Variants in C2CD3 observed in about 807,000 individuals in gnomAD.
C2CD3 encodes the protein C2 domain containing 3 centriole elongation regulator, also known as C2 domain-containing protein 3.
Under a neutral mutation model 234.0 loss-of-function variants are expected in C2CD3, and 148 were observed. The ratio of observed to expected loss-of-function variants is 0.63; its 90% CI spans 0.55 to 0.72. C2CD3 has a LOEUF of 0.72. Among genes scored for constraint, C2CD3 ranks in the 30% least tolerant of loss-of-function variants. The probability of loss-of-function intolerance (pLI) is 0.00; values close to 1 mark genes in which losing one functional copy is unlikely to be tolerated. For synonymous variants in C2CD3, 1,000 were observed against 1,035.4 expected (o/e 0.97, Z 0.66); for missense variants, 2,577 against 2,811.5 (o/e 0.92, Z 1.89).
chr11:74,078,249 A>G lies in C2CD3; in HGVS notation c.4469T>C (p.Leu1490Pro). ...SLLWYFREER[L>P]EIQVWRAYGN... ...ATAAGCTCGCCACACTTGGATCTCT[A>G]GCCTCTCCTCCCTGAAGTACCAAAG... is the stretch of plus-strand genomic sequence containing the variant. The change falls in exon 23 of 33, where the codon CTA (leucine) becomes CCA (proline). Residue 1490 changes from leucine (L) to proline (P), a missense_variant. Leu to Pro is a moderately conservative substitution (Grantham distance 98). Coordinates refer to ENST00000334126, the MANE Select transcript of C2CD3 (RefSeq NM_001286577.2). 1 of 1,614,018 alleles carries G rather than the reference A, an allele frequency of 6.2e-7. No individual in the cohort carries two copies. Among genetic ancestry groups the G allele is most frequent in the South Asian group, 1.1e-5 (1 of 91,070 alleles).
chr11:74,082,237 C>G (rs1395163482), intron 22 of C2CD3, among the ~76,000 whole-genome samples: 1 of 151,766 alleles, frequency 6.6e-6, no homozygotes, highest in Non-Finnish European at 1.5e-5. Flanking sequence ...TGCCTCAGCC[C>G]CCGGAGTAGC....
intron 29 of C2CD3, among the ~76,000 whole-genome samples, chr11:74,039,403 G>C (rs776559172): frequency 6.6e-6 from 1 of 152,160 alleles, no homozygotes; most frequent in Non-Finnish European, 1.5e-5. Context: ...CGCCCATTTG[G>C]TAAAGAATTC....
intron 8 of C2CD3, among the ~76,000 whole-genome samples, chr11:74,119,758 C>T (rs1020407906): frequency 3.3e-5 from 5 of 151,694 alleles, no homozygotes; most frequent in Admixed American, 3.3e-4. Flanking sequence ...GCCTCAGTCT[C>T]CCAAGTAGCT....
In C2CD3 at chr11:74,085,769, C is replaced by T. The variant is rs1955612174; in HGVS notation, c.3759G>A (p.Val1253=). The change falls in exon 21 of 33, where the codon GTG becomes GTA. Residue 1253 remains valine (V), a synonymous_variant. Coordinates refer to ENST00000334126, the MANE Select transcript of C2CD3 (RefSeq NM_001286577.2). ...AGAACTCAGGGCAGAAAGAACAGGC[C>T]ACAGGGTGGGTTCGGCGCTGTTCTC... ...PQGEQRRTHP[V]ACSFCPEFSH... is the part of the protein sequence containing the mutation. 6.2e-7 allele frequency: 1 copy of T among 1,613,994 alleles called. No homozygotes were observed. The highest frequency in any genetic ancestry group is 1.3e-5 in the African/African-American group (1 of 74,974).
rs369770258 is a variant in C2CD3 at position 74,098,053 on chromosome 11, G to A, written c.2935C>T (p.Pro979Ser). 3.1e-6 allele frequency: 5 copies of A among 1,613,936 alleles called. No individual in the cohort carries two copies. The highest frequency in any genetic ancestry group is 4.2e-6 in the Non-Finnish European group (5 of 1,179,908). The change falls in exon 16 of 33, where the codon CCA becomes TCA. Residue 979 changes from proline (P) to serine (S), a missense_variant. By Grantham distance (74) the Pro-to-Ser change is moderately conservative (BLOSUM62 -1). Coordinates refer to ENST00000334126, the MANE Select transcript of C2CD3 (RefSeq NM_001286577.2). ...EGTLPPFSPR[P>S]AHFLDQPTAA... Reference sequence around the variant, plus strand: ...GTTGGCTGGTCCAGGAAATGGGCTGGCCTAGGGCTGAAGGGAGGGAGTGTT... The same window carrying A: ...GTTGGCTGGTCCAGGAAATGGGCTGACCTAGGGCTGAAGGGAGGGAGTGTT...
At chr11:74,150,215 C>T (rs1370024237) in intron 3 of C2CD3, among the ~76,000 whole-genome samples, 5 of 151,220 alleles carry the variant, frequency 3.3e-5, no homozygotes, top group African/African-American at 1.2e-4. Context: ...CGGTGGCTCA[C>T]GCCTGTAATC....
Position 74,100,535 on chromosome 11 carries a change from T to A in C2CD3, c.2722A>T (p.Met908Leu), listed in dbSNP as rs779821644. The change falls in exon 15 of 33, where the codon ATG becomes TTG. Residue 908 changes from methionine to leucine, a missense_variant. Physicochemically the swap from Met to Leu is conservative, Grantham distance 15. Transcript: ENST00000334126. ...LVKLPLHQFY[M>L]SFKDAKISRL... ...AAAGGTCCTATTTACTTGAATGACA[T>A]GTAAAACTGGTGGAGGGGAAGTTTC... 1 of 1,610,872 alleles carries A rather than the reference T, an allele frequency of 6.2e-7. No individual in the cohort carries two copies. The highest frequency in any genetic ancestry group is 8.5e-7 in the Non-Finnish European group (1 of 1,179,128).
chr11:74,132,743 G>T, intron 7 of C2CD3, 101 bp downstream of exon 7: 1 of 1,149,576 alleles, frequency 8.7e-7, no homozygotes, highest in Non-Finnish European at 1.3e-6. Flanking sequence ...GGCTTGGTTA[G>T]TCTAAGGACA....
intron 32 of C2CD3, among the ~76,000 whole-genome samples, chr11:74,017,022 T>A (rs1951905065): frequency 6.6e-6 from 1 of 151,982 alleles, no homozygotes; most frequent in African/African-American, 2.4e-5. Context: ...AGAGAGAGGG[T>A]ATGCCACGTG....
intron 19 of C2CD3, among the ~76,000 whole-genome samples, chr11:74,091,652 A>G (rs1041347643): frequency 7.9e-5 from 12 of 152,216 alleles, no homozygotes; most frequent in African/African-American, 2.9e-4. Flanking sequence ...TTTAAACCCT[A>G]GCCTTCTCCT....
intron 24 of C2CD3, among the ~76,000 whole-genome samples, chr11:74,065,383 G>GTTT: frequency 6.6e-6 from 1 of 152,160 alleles, no homozygotes; most frequent in South Asian, 2.1e-4. Flanking sequence ...ACACCAGTTA[G>GTTT]AATGGCGATC....
chr11:74,026,144 C>CT (rs149645288), intron 32 of C2CD3, among the ~76,000 whole-genome samples: 159 of 152,126 alleles, frequency 1.0e-3, no homozygotes, highest in African/African-American at 3.6e-3. Flanking sequence ...GACCCCGTCT[C>CT]TAAGAAGAAA....
chr11:74,039,313 T>A (rs971786654), intron 29 of C2CD3, among the ~76,000 whole-genome samples: 2 of 152,216 alleles, frequency 1.3e-5, no homozygotes, highest in African/African-American at 4.8e-5. Context: ...CCTGAAATGA[T>A]AGCTGTGATT....
intron 20 of C2CD3, 80 bp downstream of exon 20, chr11:74,090,733 A>C (rs1955857748): frequency 4.7e-6 from 7 of 1,501,200 alleles, no homozygotes; most frequent in African/African-American, 1.4e-5. Flanking sequence ...ATACCTAAGA[A>C]AGTTTTGCAT....
At chr11:74,163,040 T>C (rs1856575631) in intron 2 of C2CD3, among the ~76,000 whole-genome samples, 1 of 152,208 alleles carries the variant, frequency 6.6e-6, no homozygotes, top group Non-Finnish European at 1.5e-5. Flanking sequence ...AAATATAATG[T>C]ATGCATAAGG....
At chr11:74,084,397 T>G (rs1299854112) in intron 22 of C2CD3, among the ~76,000 whole-genome samples, 1 of 150,314 alleles carries the variant, frequency 6.7e-6, no homozygotes, top group Non-Finnish European at 1.5e-5. Context: ...CAAACCTGCA[T>G]GTTGTGCACA....
chr11:74,039,397 C>G (rs1952906961), intron 29 of C2CD3, among the ~76,000 whole-genome samples: 1 of 152,202 alleles, frequency 6.6e-6, no homozygotes, highest in South Asian at 2.1e-4. Flanking sequence ...GTTTCGCGCC[C>G]ATTTGGTAAA....
At chr11:74,061,324 TC>T (rs1453847694) in intron 24 of C2CD3, among the ~76,000 whole-genome samples, 9 of 148,740 alleles carry the variant, frequency 6.1e-5, no homozygotes, top group East Asian at 2.0e-4. Flanking sequence ...CACATAATTG[TC>T]AGATTCACCA....
intron 3 of C2CD3, among the ~76,000 whole-genome samples, chr11:74,160,954 G>A (rs531497189): frequency 3.9e-5 from 6 of 152,190 alleles, no homozygotes; most frequent in African/African-American, 1.4e-4. Flanking sequence ...AGTCAAACAA[G>A]CAATTATTGT....
Sources: gnomAD v4.1 joint callset for allele counts (sites outside exome capture counted in the v4.1 genomes callset) on GRCh38, gnomAD v4.1.1 for gene constraint, MANE v1.5 for transcripts, NCBI Gene and HGNC (gene_info 2026-07-23, HGNC 2026-07-21) for gene names.